Variants in TMTC2 observed in about 807,000 individuals in gnomAD.
TMTC2 encodes transmembrane O-mannosyltransferase targeting cadherins 2.
In TMTC2, 43 loss-of-function variants were observed where a neutral mutation model predicts 82.4. That is an observed-to-expected ratio of 0.52 (90% CI 0.41 to 0.67). The LOEUF is 0.67. Among genes scored for constraint, TMTC2 ranks in the 30% least tolerant of loss-of-function variants. The pLI is 0.00. For missense variants in TMTC2, 919 were observed against 1,012.4 expected, an observed-to-expected ratio of 0.91 and a Z score of 1.25; for synonymous variants, 408 against 381.9, an observed-to-expected ratio of 1.07 and a Z score of -0.80.
chr12:82,794,814 A>T (rs1420935369), intron 1 of TMTC2, among the ~76,000 whole-genome samples: 1 of 152,214 alleles, frequency 6.6e-6, no homozygotes, highest in Middle Eastern at 3.5e-3. Context: ...TGCAGAGAAG[A>T]AGTAGTTAGT....
chr12:82,860,536 A>T (rs556324046), intron 2 of TMTC2, among the ~76,000 whole-genome samples: 1 of 152,312 alleles, frequency 6.6e-6, no homozygotes, highest in African/African-American at 2.4e-5. Flanking sequence ...TGATTCCATG[A>T]TCTGTTTCTT....
intron 9 of TMTC2, among the ~76,000 whole-genome samples, chr12:83,037,722 T>G (rs1286531162): frequency 2.6e-5 from 4 of 152,146 alleles, no homozygotes; most frequent in Non-Finnish European, 5.9e-5. Flanking sequence ...TTACATAAGA[T>G]ACTTTCCAAA....
At chr12:83,084,977 CAG>C (rs1883603376) in intron 11 of TMTC2, among the ~76,000 whole-genome samples, 1 of 152,218 alleles carries the variant, frequency 6.6e-6, no homozygotes. Context: ...CTTGTGCTGT[CAG>C]TGCAGCTAGC....
chr12:83,032,297 G>GTATATATATATA (rs1881473955), intron 9 of TMTC2, among the ~76,000 whole-genome samples: 1 of 103,344 alleles, frequency 9.7e-6, no homozygotes, highest in Non-Finnish European at 2.0e-5. Context: ...ATATATATAG[G>GTATATATATATA]TTTGTCACAA....
chr12:82,756,711 G>GTATT (rs1876348410), intron 1 of TMTC2, among the ~76,000 whole-genome samples: 1 of 152,254 alleles, frequency 6.6e-6, no homozygotes, highest in South Asian at 2.1e-4. Context: ...GATTTTGATA[G>GTATT]TATTTATTTA....
At chr12:82,983,255 A>G (rs1316162095) in intron 7 of TMTC2, among the ~76,000 whole-genome samples, 2 of 152,178 alleles carry the variant, frequency 1.3e-5, no homozygotes, top group East Asian at 3.9e-4. Context: ...GAAGTTCTTC[A>G]AAGTTGTAAT....
At chr12:82,916,247 G>A (rs1304225546) in intron 3 of TMTC2, among the ~76,000 whole-genome samples, 2 of 152,132 alleles carry the variant, frequency 1.3e-5, no homozygotes, top group African/African-American at 2.4e-5. Flanking sequence ...AGGCAAAATA[G>A]GTTTGTTGCC....
intron 3 of TMTC2, among the ~76,000 whole-genome samples, chr12:82,925,915 A>G (rs1053161756): frequency 2.0e-5 from 3 of 152,194 alleles, no homozygotes; most frequent in Non-Finnish European, 4.4e-5. Flanking sequence ...TTAGTGAGGA[A>G]CACATTTCAA....
intron 9 of TMTC2, among the ~76,000 whole-genome samples, chr12:83,046,103 G>T (rs1434553293): frequency 6.6e-6 from 1 of 151,870 alleles, no homozygotes; most frequent in Admixed American, 6.6e-5. Flanking sequence ...AACATGCCTC[G>T]GTATCTCCTT....
chr12:82,819,502 T>C (rs1045328142), intron 1 of TMTC2, among the ~76,000 whole-genome samples: 20 of 117,650 alleles, frequency 1.7e-4, no homozygotes, highest in Admixed American at 1.3e-3. Flanking sequence ...TCTTTCTTTT[T>C]TTTTTTTTTT....
intron 1 of TMTC2, among the ~76,000 whole-genome samples, chr12:82,844,394 A>AAGTATATT (rs1338191648): frequency 3.9e-5 from 6 of 152,224 alleles, no homozygotes; most frequent in African/African-American, 1.4e-4. Flanking sequence ...GGATAATCAA[A>AAGTATATT]TCCCTAGGCA....
intron 1 of TMTC2, among the ~76,000 whole-genome samples, chr12:82,695,063 C>G (rs984816819): frequency 1.3e-5 from 2 of 152,138 alleles, no homozygotes; most frequent in East Asian, 3.8e-4. Flanking sequence ...TGAAGAGTGG[C>G]CACTGGGACG....
chr12:82,786,179 T>C (rs547967919), intron 1 of TMTC2, among the ~76,000 whole-genome samples: 1 of 152,086 alleles, frequency 6.6e-6, no homozygotes, highest in East Asian at 1.9e-4. Flanking sequence ...ATCTAATATG[T>C]ATCTGCATGG....
At chr12:83,070,063 T>C (rs902072036) in intron 11 of TMTC2, among the ~76,000 whole-genome samples, 10 of 152,204 alleles carry the variant, frequency 6.6e-5, no homozygotes, top group African/African-American at 2.4e-4. Context: ...TTTATACCAG[T>C]ACCAGGCTGT....
chr12:82,765,737 G>A (rs562596938), intron 1 of TMTC2, among the ~76,000 whole-genome samples: 2 of 151,914 alleles, frequency 1.3e-5, no homozygotes, highest in African/African-American at 4.8e-5. Context: ...AGAAAAAACA[G>A]GTACCTTGCT....
At chr12:82,930,022 A>G (rs574736498) in intron 3 of TMTC2, among the ~76,000 whole-genome samples, 1 of 152,148 alleles carries the variant, frequency 6.6e-6, no homozygotes, top group Non-Finnish European at 1.5e-5. Flanking sequence ...TATGCCATTT[A>G]TCAGTTTTTT....
chr12:83,117,099 T>C (rs1884786228), intron 11 of TMTC2, among the ~76,000 whole-genome samples: 1 of 152,200 alleles, frequency 6.6e-6, no homozygotes, highest in African/African-American at 2.4e-5. Flanking sequence ...GAGTTGATTT[T>C]TGTGTCAGGT....
chr12:82,787,865 A>G (rs1242962435), intron 1 of TMTC2, among the ~76,000 whole-genome samples: 2 of 152,010 alleles, frequency 1.3e-5, no homozygotes, highest in Admixed American at 1.3e-4. Flanking sequence ...GAGCCAAGCT[A>G]TCACGCCAAT....
intron 1 of TMTC2, among the ~76,000 whole-genome samples, chr12:82,794,175 G>A (rs191000524): frequency 1.8e-4 from 28 of 152,272 alleles, no homozygotes; most frequent in Admixed American, 1.8e-3. Flanking sequence ...TGGCATGTGG[G>A]ACAGGGCGCA....
Sources: gnomAD v4.1 joint callset for allele counts (sites outside exome capture counted in the v4.1 genomes callset) on GRCh38, gnomAD v4.1.1 for gene constraint, MANE v1.5 for transcripts, NCBI Gene and HGNC (gene_info 2026-07-23, HGNC 2026-07-21) for gene names.